Variants in SNX14 observed in about 807,000 individuals in gnomAD.
SNX14 encodes sorting nexin 14, also known as sorting nexin-14.
SNX14 carries 93 observed loss-of-function variants against 133.8 expected under a neutral mutation model. That is an observed-to-expected ratio of 0.70 (90% confidence interval 0.59 to 0.83). The LOEUF (loss-of-function observed/expected upper bound fraction) is 0.83. SNX14 is among the 40% of genes least tolerant of loss of function. The pLI is 0.00. For synonymous variants in SNX14, 368 were observed against 365.6 expected (o/e 1.01, Z -0.07); for missense variants, 945 against 1,094.9 (o/e 0.86, Z 1.93).
intron 27 of SNX14, 99 bp downstream of exon 27, chr6:85,507,869 G>C: frequency 1.3e-6 from 1 of 787,608 alleles, no homozygotes; most frequent in Non-Finnish European, 2.0e-6. Context: ...CCTTGGTTTA[G>C]TATAGTGTCA....
intron 5 of SNX14, among the ~76,000 whole-genome samples, chr6:85,566,994 A>C (rs1299705515): frequency 3.3e-5 from 5 of 152,190 alleles, no homozygotes; most frequent in Non-Finnish European, 5.9e-5. Context: ...GGAAAAAAAA[A>C]CCATTAATTC....
At chr6:85,540,792 T>C (rs1313776578) in intron 15 of SNX14, among the ~76,000 whole-genome samples, 1 of 152,180 alleles carries the variant, frequency 6.6e-6, no homozygotes, top group Non-Finnish European at 1.5e-5. Context: ...CATTGCCCCA[T>C]TTCTTGACTT....
At chr6:85,530,585 C>G (rs1779938253) in intron 18 of SNX14, among the ~76,000 whole-genome samples, 1 of 149,614 alleles carries the variant, frequency 6.7e-6, no homozygotes, top group Non-Finnish European at 1.5e-5. Flanking sequence ...GCAGAGGTTG[C>G]AGCGAGCCGA....
chr6:85,509,847 C>T (rs1211781518), intron 26 of SNX14, among the ~76,000 whole-genome samples: 1 of 152,160 alleles, frequency 6.6e-6, no homozygotes, highest in Non-Finnish European at 1.5e-5. Flanking sequence ...AATCCACTGT[C>T]TTCTTAGTTT....
In SNX14 at chr6:85,521,444, G is replaced by A. The variant is rs181853299; in HGVS notation, c.2108-3396C>T. On this transcript the variant is annotated intron_variant, in intron 21 of 28. Coordinates refer to ENST00000314673, the MANE Select transcript of SNX14 (RefSeq NM_153816.6). ...TTCGTAGAGACAGAGTCTCACTTAC[G>A]TTGCCCAGGCTGGTGAAATTATTTT... Among the ~76,000 whole-genome samples the A allele has an allele frequency of 8.0e-4, 121 of 151,898 alleles. No homozygotes were observed. In the South Asian group the frequency reaches 8.5e-3, roughly 11 times the overall value.
Position 85,593,658 on chromosome 6 carries a change from C to G in SNX14, c.61G>C (p.Gly21Arg). ...KLKQRLRLDV[G>R]REICRQYPLF... ...GGGTACTGGCGGCAGATCTCGCGTC[C>G]CACGTCCAGTCGCAGCCGCTGCTTC... Residue 21 changes from glycine to arginine, a missense_variant, in exon 1 of 29, where the codon GGA (glycine) becomes CGA (arginine). Coordinates refer to ENST00000314673, the MANE Select transcript of SNX14 (RefSeq NM_153816.6). 1.2e-6 allele frequency: 2 copies of G among 1,613,048 alleles called. No individual in the cohort carries two copies. Among genetic ancestry groups the G allele is most frequent in the Non-Finnish European group, 1.7e-6 (2 of 1,179,912 alleles).
intron 18 of SNX14, among the ~76,000 whole-genome samples, chr6:85,531,932 G>A (rs1780440636): frequency 6.6e-6 from 1 of 152,138 alleles, no homozygotes; most frequent in Non-Finnish European, 1.5e-5. Context: ...GGAGGCTGAA[G>A]TGGGAGGATC....
At chr6:85,562,111 G>A (rs1277234011) in intron 6 of SNX14, among the ~76,000 whole-genome samples, 1 of 152,102 alleles carries the variant, frequency 6.6e-6, no homozygotes, top group East Asian at 1.9e-4. Context: ...TTGATTTTAT[G>A]TTCCTGTGTT....
intron 17 of SNX14, among the ~76,000 whole-genome samples, chr6:85,534,558 A>G (rs1781270728): frequency 6.6e-6 from 1 of 152,176 alleles, no homozygotes. Context: ...ACTATCTTTA[A>G]TCCCAATCAA....
At chr6:85,575,969 A>C (rs1460757394) in intron 1 of SNX14, among the ~76,000 whole-genome samples, 1 of 152,224 alleles carries the variant, frequency 6.6e-6, no homozygotes, top group Non-Finnish European at 1.5e-5. Context: ...GAAATATAAC[A>C]CTTTAATTCT....
At position 85,508,078 on chromosome 6, in the gene SNX14, T is replaced by C; in HGVS notation, c.2654-19A>G. The C allele has an allele frequency of 6.2e-7, 1 of 1,608,056 alleles. No homozygotes were observed. On this transcript the variant is annotated intron_variant, in intron 26 of 28. Transcript: ENST00000314673. ...AACAGATCTAAACAAAAAGGCCAAA[T>C]GTGAAATAATTTTATATTATAAAGT...
At chr6:85,548,082 A>AG (rs1303275494) in intron 9 of SNX14, among the ~76,000 whole-genome samples, 8 of 152,158 alleles carry the variant, frequency 5.3e-5, no homozygotes, top group Non-Finnish European at 8.8e-5. Context: ...GGTGGTTGCC[A>AG]GGGGGGGCTG....
chr6:85,512,423 ACCAG>A (rs574420413), intron 26 of SNX14, among the ~76,000 whole-genome samples: 2 of 152,066 alleles, frequency 1.3e-5, no homozygotes, highest in Non-Finnish European at 2.9e-5. Flanking sequence ...GGAGTTCGAG[ACCAG>A]CCTGACCAAC....
intron 1 of SNX14, among the ~76,000 whole-genome samples, chr6:85,585,787 C>A (rs1282422232): frequency 2.0e-5 from 3 of 151,810 alleles, no homozygotes; most frequent in Non-Finnish European, 4.4e-5. Context: ...CGAGAATAAC[C>A]ATGTTGTAAC....
chr6:85,507,242 C>T lies in SNX14; in HGVS notation c.2793G>A (p.Glu931=), dbSNP rs749327099. Residue 931 remains glutamate, a synonymous_variant, in exon 28 of 29, where the codon GAG becomes GAA. Coordinates refer to ENST00000314673, the MANE Select transcript of SNX14 (RefSeq NM_153816.6). ...LDIVIQELFP[E]LNKVQKEVTS... ...ACTGCTTTTCAGTTACCTTATTGAG[C>T]TCTGGAAACAGTTCCTGTATCACAA... is the stretch of plus-strand genomic sequence containing the variant. 6.2e-7 allele frequency: 1 copy of T among 1,610,806 alleles called. No homozygotes were observed. The highest frequency in any genetic ancestry group is 8.5e-7 in the Non-Finnish European group (1 of 1,178,902).
chr6:85,537,779 T>A (rs1782402453), intron 16 of SNX14, among the ~76,000 whole-genome samples: 1 of 152,124 alleles, frequency 6.6e-6, no homozygotes, highest in South Asian at 2.1e-4. Context: ...CGAAACTGCG[T>A]CTGTACTAAA....
intron 8 of SNX14, among the ~76,000 whole-genome samples, chr6:85,548,707 G>A (rs1246322986): frequency 6.6e-6 from 1 of 152,072 alleles, no homozygotes; most frequent in South Asian, 2.1e-4. Context: ...GGTGGCTCAC[G>A]CCTGTAATCT....
At chr6:85,520,674 A>T (rs1776586283) in intron 21 of SNX14, among the ~76,000 whole-genome samples, 2 of 152,176 alleles carry the variant, frequency 1.3e-5, no homozygotes, top group Admixed American at 1.3e-4. Context: ...TAACAATTTT[A>T]TTCAAACTTT....
At chr6:85,543,452 T>C (rs955947254) in intron 13 of SNX14, 146 bp from the exon 14 acceptor site, 6 of 1,052,830 alleles carry the variant, frequency 5.7e-6, no homozygotes, top group Non-Finnish European at 5.3e-6. Context: ...ACATAAAGTA[T>C]AAATAAGTTT....
Sources: gnomAD v4.1 joint callset for allele counts (sites outside exome capture counted in the v4.1 genomes callset) on GRCh38, gnomAD v4.1.1 for gene constraint, MANE v1.5 for transcripts, NCBI Gene and HGNC (gene_info 2026-07-23, HGNC 2026-07-21) for gene names.